Variants in CSMD1 observed in about 807,000 individuals in gnomAD.
The protein encoded by CSMD1 is CUB and sushi domain-containing protein 1.
CSMD1 carries 213 observed loss-of-function variants against 417.5 expected under a neutral mutation model. The ratio of observed to expected loss-of-function variants is 0.51; its 90% CI spans 0.46 to 0.57. CSMD1 has a LOEUF of 0.57. Among genes scored for constraint, CSMD1 ranks in the 20% least tolerant of loss-of-function variants. CSMD1 has a pLI of 0.00. For missense variants in CSMD1, 6,923 were observed against 4,529.7 expected (o/e 1.53, Z -15.17); for synonymous variants, 2,862 against 1,736.8 (o/e 1.65, Z -16.11).
chr8:4,404,721 T>C (rs961464003), intron 3 of CSMD1, among the ~76,000 whole-genome samples: 66 of 152,082 alleles, frequency 4.3e-4, no homozygotes, highest in African/African-American at 1.5e-3. Context: ...ACTTATATTT[T>C]CCTATTTATG....
intron 2 of CSMD1, among the ~76,000 whole-genome samples, chr8:4,632,441 G>C (rs185467545): frequency 7.2e-5 from 11 of 152,278 alleles, no homozygotes; most frequent in Admixed American, 1.3e-4. Context: ...AAACCGGAGA[G>C]GAGGAGATTG....
chr8:3,614,844 A>C (rs1382685719), intron 8 of CSMD1, among the ~76,000 whole-genome samples: 2 of 152,180 alleles, frequency 1.3e-5, no homozygotes, highest in Non-Finnish European at 1.5e-5. Flanking sequence ...GTGAGAAAAC[A>C]GATGTGTGAG....
At chr8:3,554,717 G>C (rs1230214819) in intron 10 of CSMD1, among the ~76,000 whole-genome samples, 1 of 152,190 alleles carries the variant, frequency 6.6e-6, no homozygotes, top group Non-Finnish European at 1.5e-5. Flanking sequence ...TCAGAATGTT[G>C]AGAGCTTCAG....
At chr8:4,864,245 T>C (rs748604542) in intron 1 of CSMD1, among the ~76,000 whole-genome samples, 1 of 151,842 alleles carries the variant, frequency 6.6e-6, no homozygotes, top group Non-Finnish European at 1.5e-5. Context: ...ATAACATACT[T>C]AGCATTTTGA....
intron 45 of CSMD1, among the ~76,000 whole-genome samples, chr8:3,107,414 A>G (rs957249074): frequency 6.6e-6 from 1 of 152,168 alleles, no homozygotes; most frequent in Non-Finnish European, 1.5e-5. Flanking sequence ...CTGTCTCTGA[A>G]TACTTTATTA....
At chr8:3,370,045 C>T (rs13262663) in intron 18 of CSMD1, among the ~76,000 whole-genome samples, 3 of 151,978 alleles carry the variant, frequency 2.0e-5, no homozygotes, top group Non-Finnish European at 4.4e-5. Context: ...TGTGTAGTAG[C>T]TACTAAATGA....
rs370464163 is a variant in CSMD1 at position 3,614,465 on chromosome 8, C to T, written c.1097+2245G>A. On this transcript the variant is annotated intron_variant, in intron 8 of 69. Coordinates refer to ENST00000635120, the MANE Select transcript of CSMD1 (RefSeq NM_033225.6). ...AATGGAGTAAAGATTGGCTTACTCA[C>T]CTAGGATATGATTAAAACTTCCATG... Among the ~76,000 whole-genome samples, 11 of 152,220 alleles carry T rather than the reference C, an allele frequency of 7.2e-5. 1 individual carries two copies. Among genetic ancestry groups the T allele is most frequent in the East Asian group, 5.8e-4 (3 of 5,186 alleles).
At chr8:3,127,285 G>A (rs962363303) in intron 41 of CSMD1, 4 of 152,092 alleles carry the variant, frequency 2.6e-5, no homozygotes, top group African/African-American at 4.8e-5. Flanking sequence ...TCATGCAGAC[G>A]GGTAAAAACA....
intron 2 of CSMD1, among the ~76,000 whole-genome samples, chr8:4,549,658 G>A (rs534783560): frequency 6.6e-6 from 1 of 152,156 alleles, no homozygotes; most frequent in East Asian, 1.9e-4. Flanking sequence ...GGAGGCTGAG[G>A]CAGGAAGATC....
intron 7 of CSMD1, among the ~76,000 whole-genome samples, chr8:3,629,136 C>A (rs146232221): frequency 1.3e-5 from 2 of 152,130 alleles, no homozygotes; most frequent in Non-Finnish European, 2.9e-5. Context: ...ATGACGTGAG[C>A]AAAGACAGAA....
rs181718192 is a variant in CSMD1, at chr8:4,786,113, A to T, written c.86-148555T>A. Among the ~76,000 whole-genome samples the T allele has an allele frequency of 2.2e-4, 34 of 151,812 alleles. 1 individual carries two copies. The highest frequency in any genetic ancestry group is 1.7e-3 in the Admixed American group (26 of 15,194). ...GCAGATGTGTAAGACCAAAAAAAATAAATATCCTGTTTGCTTCTAAAAATG... is the reference window on the plus strand; with the variant it reads ...GCAGATGTGTAAGACCAAAAAAAATTAATATCCTGTTTGCTTCTAAAAATG... On this transcript the variant is annotated intron_variant, in intron 1 of 69. Transcript: ENST00000635120.
At chr8:4,349,279 T>C (rs1800951181) in intron 3 of CSMD1, among the ~76,000 whole-genome samples, 1 of 152,154 alleles carries the variant, frequency 6.6e-6, no homozygotes, top group Non-Finnish European at 1.5e-5. Context: ...CAAAAACAAT[T>C]TTTGCAGCAG....
chr8:4,758,074 T>A (rs1811784899), intron 1 of CSMD1, among the ~76,000 whole-genome samples: 1 of 152,164 alleles, frequency 6.6e-6, no homozygotes, highest in South Asian at 2.1e-4. Flanking sequence ...CTGCGTTACT[T>A]TTCTCAGGTG....
chr8:4,259,110 G>A (rs1471608098), intron 3 of CSMD1, among the ~76,000 whole-genome samples: 1 of 152,106 alleles, frequency 6.6e-6, no homozygotes, highest in African/African-American at 2.4e-5. Context: ...CTGAAAGGTC[G>A]TACTTTAAAT....
intron 1 of CSMD1, among the ~76,000 whole-genome samples, chr8:4,945,917 G>A (rs985574943): frequency 1.3e-5 from 2 of 152,102 alleles, no homozygotes; most frequent in African/African-American, 2.4e-5. Flanking sequence ...GAAGAAAACA[G>A]AATGTTATCA....
At chr8:3,237,581 T>A (rs1466514762) in intron 26 of CSMD1, among the ~76,000 whole-genome samples, 1 of 145,780 alleles carries the variant, frequency 6.9e-6, no homozygotes, top group Non-Finnish European at 1.5e-5. Context: ...ATAATTTTTA[T>A]ACTTATACTA....
chr8:3,975,358 A>C (rs1024997998), intron 5 of CSMD1, among the ~76,000 whole-genome samples: 10 of 152,138 alleles, frequency 6.6e-5, no homozygotes, highest in African/African-American at 2.2e-4. Context: ...CAATATAATA[A>C]TGTTATGTTT....
chr8:3,643,581 G>T (rs1417976746), intron 7 of CSMD1, among the ~76,000 whole-genome samples: 2 of 151,786 alleles, frequency 1.3e-5, no homozygotes, highest in Admixed American at 6.6e-5. Flanking sequence ...GGCGCCTGTA[G>T]TCCCAACTAC....
At chr8:4,404,350 G>A (rs377716773) in intron 3 of CSMD1, among the ~76,000 whole-genome samples, 8 of 152,082 alleles carry the variant, frequency 5.3e-5, no homozygotes, top group African/African-American at 1.9e-4. Context: ...TAAGACCCAT[G>A]AGCGCAGGGA....
Sources: gnomAD v4.1 joint callset for allele counts (sites outside exome capture counted in the v4.1 genomes callset) on GRCh38, gnomAD v4.1.1 for gene constraint, MANE v1.5 for transcripts, NCBI Gene and HGNC (gene_info 2026-07-23, HGNC 2026-07-21) for gene names.